FNDC3A: variants seen among roughly 807,000 people sequenced by gnomAD.
FNDC3A encodes fibronectin type III domain containing 3A.
A neutral mutation model predicts 148.9 loss-of-function variants in FNDC3A; 32 were observed. That is an observed-to-expected ratio of 0.21 (90% CI 0.16 to 0.29). The LOEUF (loss-of-function observed/expected upper bound fraction) is 0.29. Among genes scored for constraint, FNDC3A ranks in the 10% least tolerant of loss-of-function variants. The pLI, the probability that FNDC3A is intolerant of heterozygous loss-of-function variation, is 1.00. For synonymous variants in FNDC3A, 472 were observed against 473.6 expected, an observed-to-expected ratio of 1.00 and a Z score of 0.04; for missense variants, 1,191 against 1,452.8, an observed-to-expected ratio of 0.82 and a Z score of 2.93.
At chr13:49,027,948 C>T (rs901050692) in intron 2 of FNDC3A, among the ~76,000 whole-genome samples, 1 of 152,098 alleles carries the variant, frequency 6.6e-6, no homozygotes, top group Non-Finnish European at 1.5e-5. Context: ...TGCAATGGCT[C>T]ACACTTGTAA....
rs541414029 is a variant in FNDC3A at position 49,178,728 on chromosome 13, CTGTTTGTT to C, written c.1617+88_1617+95del. On this transcript the variant is annotated intron_variant, in intron 14 of 25. Transcript: ENST00000492622. ...CTGGTGTGGTGGGGTTCTTTGTTTT[CTGTTTGTT>C]TGTTTGTTTGTTTTTTGAGACGGGC... 94 of 851,130 alleles carry C rather than the reference CTGTTTGTT, an allele frequency of 1.1e-4. No homozygotes were observed. In the African/African-American group the frequency reaches 1.5e-3, roughly 13 times the overall value. 52.7% of individuals were successfully genotyped at this position (851,130 alleles called of 1,614,324 possible). A position where few individuals can be genotyped will look rare whatever the true frequency, so the allele number is the denominator to read the frequency against.
chr13:48,993,650 G>A (rs1039025755), intron 1 of FNDC3A, among the ~76,000 whole-genome samples: 2 of 152,026 alleles, frequency 1.3e-5, no homozygotes, highest in African/African-American at 2.4e-5. Flanking sequence ...AGTGTTTAGG[G>A]GTGAAGTATA....
chr13:49,045,499 G>T (rs1875325090), intron 2 of FNDC3A: 1 of 230,882 alleles, frequency 4.3e-6, no homozygotes, highest in Non-Finnish European at 9.1e-6. Context: ...TTTTGGTGAA[G>T]ATATAAATTA....
At chr13:49,092,027 A>G (rs1331366618) in intron 3 of FNDC3A, among the ~76,000 whole-genome samples, 1 of 152,224 alleles carries the variant, frequency 6.6e-6, no homozygotes, top group Non-Finnish European at 1.5e-5. Flanking sequence ...TCTGCGGAAG[A>G]TGGCAGGGCC....
chr13:49,160,830 C>A (rs974881054), intron 8 of FNDC3A, among the ~76,000 whole-genome samples: 1 of 151,640 alleles, frequency 6.6e-6, no homozygotes, highest in Non-Finnish European at 1.5e-5. Flanking sequence ...TCTTTGTTCT[C>A]ATTGGTTTCA....
At chr13:49,109,228 A>T (rs1880392309) in intron 3 of FNDC3A, among the ~76,000 whole-genome samples, 1 of 152,202 alleles carries the variant, frequency 6.6e-6, no homozygotes, top group African/African-American at 2.4e-5. Flanking sequence ...TCATACTTTT[A>T]CATATTATAA....
At chr13:49,127,295 G>A (rs1881759679) in intron 4 of FNDC3A, among the ~76,000 whole-genome samples, 1 of 152,184 alleles carries the variant, frequency 6.6e-6, no homozygotes, top group East Asian at 1.9e-4. Flanking sequence ...AAACATCAAA[G>A]TTTCTTGACT....
Position 49,188,576 on chromosome 13 carries a change from T to C in FNDC3A, c.1887T>C (p.Asn629=). 6.2e-7 allele frequency: 1 copy of C among 1,614,072 alleles called. No homozygotes were observed. Among genetic ancestry groups the C allele is most frequent in the Non-Finnish European group, 8.5e-7 (1 of 1,179,922 alleles). The part of the protein sequence containing the change: ...ATREHLCDRL[N]PGCFYRLRVY... ...GGGAACATCTTTGTGATCGACTGAATCCAGGCTGTTTCTATCGTTTACGAG... is the reference window on the plus strand; with the variant it reads ...GGGAACATCTTTGTGATCGACTGAACCCAGGCTGTTTCTATCGTTTACGAG... The change falls in exon 17 of 26, where the codon AAT becomes AAC. Residue 629 remains asparagine (N), a synonymous_variant. Transcript: ENST00000492622.
intron 2 of FNDC3A, among the ~76,000 whole-genome samples, chr13:49,056,403 G>A (rs1455549825): frequency 1.3e-5 from 2 of 152,014 alleles, no homozygotes; most frequent in African/African-American, 4.8e-5. Context: ...TTTGTTTTTG[G>A]TGTTGTACTA....
chr13:49,009,198 G>C (rs778657305), intron 2 of FNDC3A, among the ~76,000 whole-genome samples: 1 of 151,994 alleles, frequency 6.6e-6, no homozygotes, highest in Non-Finnish European at 1.5e-5. Context: ...CTATAGTTTT[G>C]TATTTTTAAG....
chr13:49,184,148 T>C (rs1256041545), intron 14 of FNDC3A, among the ~76,000 whole-genome samples: 1 of 152,084 alleles, frequency 6.6e-6, no homozygotes, highest in Non-Finnish European at 1.5e-5. Context: ...ACATTCCAAG[T>C]GAGGAAATAA....
chr13:49,164,696 C>T (rs1884358494), intron 8 of FNDC3A, among the ~76,000 whole-genome samples: 1 of 151,980 alleles, frequency 6.6e-6, no homozygotes, highest in Non-Finnish European at 1.5e-5. Flanking sequence ...GCAACCTCCA[C>T]CTCCCAGGTT....
In FNDC3A at chr13:49,133,843, G is replaced by GATTA. The variant is rs536889805; in HGVS notation, c.490+2471_490+2474dup. On this transcript the variant is annotated intron_variant, in intron 5 of 25. Coordinates refer to ENST00000492622, the MANE Select transcript of FNDC3A (RefSeq NM_001079673.2). ...TTTAACCCTCTCAGATCTATTCAAT[G>GATTA]ATTAAGTTCCTTCTCTTTCTACTAT... is the stretch of plus-strand genomic sequence containing the variant. Among the ~76,000 whole-genome samples, 67 of 152,286 alleles carry GATTA rather than the reference G, an allele frequency of 4.4e-4. No homozygotes were observed. The South Asian group carries it at 0.014, about 32-fold the overall frequency.
chr13:49,012,068 C>A (rs1952358201), intron 2 of FNDC3A, among the ~76,000 whole-genome samples: 1 of 152,006 alleles, frequency 6.6e-6, no homozygotes, highest in Admixed American at 6.5e-5. Flanking sequence ...ATCTATGATA[C>A]ATTGTTACAG....
chr13:49,038,924 A>G (rs201660429), intron 2 of FNDC3A, among the ~76,000 whole-genome samples: 21 of 152,060 alleles, frequency 1.4e-4, no homozygotes, highest in Admixed American at 1.1e-3. Context: ...GGTGAACAAG[A>G]AGTTAGGGGA....
intron 1 of FNDC3A, among the ~76,000 whole-genome samples, chr13:48,988,589 C>T (rs978982446): frequency 6.6e-4 from 101 of 151,976 alleles, no homozygotes; most frequent in African/African-American, 2.3e-3. Context: ...ACTTAATAGT[C>T]CCAGGACTTT....
intron 23 of FNDC3A, 104 bp from the exon 24 acceptor site, chr13:49,201,696 C>T: frequency 2.0e-6 from 1 of 508,836 alleles, no homozygotes; most frequent in South Asian, 8.0e-5. Flanking sequence ...ACTTATCACT[C>T]CTAAATAATG....
At chr13:49,174,679 G>T in intron 12 of FNDC3A, 120 bp downstream of exon 12, 1 of 883,148 alleles carries the variant, frequency 1.1e-6, no homozygotes. Flanking sequence ...TCTCTTTGTT[G>T]ATATAGTTAA....
chr13:49,064,077 T>C (rs1172892409), intron 2 of FNDC3A, among the ~76,000 whole-genome samples: 1 of 152,128 alleles, frequency 6.6e-6, no homozygotes, highest in African/African-American at 2.4e-5. Flanking sequence ...GCGTGGTGGC[T>C]CATGCCTGTA....
Sources: allele counts gnomAD v4.1 joint callset (sites outside exome capture counted in the v4.1 genomes callset), GRCh38; gene constraint gnomAD v4.1.1; transcripts MANE v1.5; gene names NCBI Gene and HGNC (gene_info 2026-07-23, HGNC 2026-07-21).